XRCC4: variants seen among roughly 807,000 people sequenced by gnomAD.
XRCC4 encodes X-ray repair cross complementing 4.
XRCC4 carries 28 observed loss-of-function variants against 39.1 expected under a neutral mutation model. The observed-to-expected ratio is 0.72, with a 90% CI of 0.53 to 0.98. XRCC4 has a LOEUF of 0.98. Ranked by LOEUF, XRCC4 falls within the 50% of genes least tolerant of loss-of-function variation. XRCC4 has a pLI of 0.00. For synonymous variants in XRCC4, 123 were observed against 126.4 expected (o/e 0.97, Z 0.18); for missense variants, 350 against 376.4 (o/e 0.93, Z 0.58).
intron 3 of XRCC4, among the ~76,000 whole-genome samples, chr5:83,118,657 T>G (rs74552162): frequency 1.3e-5 from 2 of 152,216 alleles, no homozygotes; most frequent in African/African-American, 4.8e-5. Context: ...TTGGCCAGAA[T>G]GTAGTCACAT....
At chr5:83,218,995 C>T (rs1463013489) in intron 6 of XRCC4, among the ~76,000 whole-genome samples, 1 of 152,034 alleles carries the variant, frequency 6.6e-6, no homozygotes, top group East Asian at 1.9e-4. Flanking sequence ...ATTCTGGAGG[C>T]TAGGATCCTG....
Position 83,105,069 on chromosome 5 carries a change from AAAC to A in XRCC4, c.139+14_139+16del, listed in dbSNP as rs1365884694. The stretch of plus-strand genomic sequence containing the variant: ...CATGGACTGGGACAGGTAATACTAA[AAAC>A]AAAGTTTTTATAAGTAAAATTTAAG... On this transcript the variant is annotated intron_variant, in intron 2 of 7. Transcript: ENST00000396027. 1 of 1,593,840 alleles carries A rather than the reference AAAC, an allele frequency of 6.3e-7. No individual in the cohort carries two copies. Among genetic ancestry groups the A allele is most frequent in the South Asian group, 1.1e-5 (1 of 87,200 alleles).
chr5:83,124,814 C>T (rs1374465541), intron 3 of XRCC4, among the ~76,000 whole-genome samples: 1 of 152,124 alleles, frequency 6.6e-6, no homozygotes, highest in Non-Finnish European at 1.5e-5. Context: ...ACCTTTCGCC[C>T]TTTTAGAAAC....
the XRCC4 span, among the ~76,000 whole-genome samples, chr5:83,372,295 T>C: frequency 6.6e-6 from 1 of 152,188 alleles, no homozygotes; most frequent in Non-Finnish European, 1.5e-5. Flanking sequence ...ATGACAAATG[T>C]TTGCACTGTG....
intron 3 of XRCC4, among the ~76,000 whole-genome samples, chr5:83,121,374 C>T (rs901482688): frequency 6.6e-5 from 10 of 152,228 alleles, no homozygotes; most frequent in African/African-American, 1.9e-4. Flanking sequence ...CCATAGAGTT[C>T]GTACTATTTT....
intron 7 of XRCC4, among the ~76,000 whole-genome samples, chr5:83,324,145 A>G (rs925333748): frequency 3.3e-5 from 5 of 152,158 alleles, no homozygotes; most frequent in Non-Finnish European, 7.4e-5. Flanking sequence ...AGAAAATCTC[A>G]GATTAAATTA....
intron 7 of XRCC4, among the ~76,000 whole-genome samples, chr5:83,305,772 ACT>A (rs1286616011): frequency 6.6e-6 from 1 of 152,152 alleles, no homozygotes; most frequent in Non-Finnish European, 1.5e-5. Context: ...TTGATGTTTT[ACT>A]CTCTGACTGT....
chr5:83,276,508 G>A (rs1235653560), intron 7 of XRCC4, among the ~76,000 whole-genome samples: 2 of 140,242 alleles, frequency 1.4e-5, no homozygotes, highest in Admixed American at 8.3e-5. Flanking sequence ...TTTATATGAA[G>A]AAGAAGTGGA....
At chr5:83,083,593 G>A (rs972961420) in intron 1 of XRCC4, among the ~76,000 whole-genome samples, 1 of 151,948 alleles carries the variant, frequency 6.6e-6, no homozygotes, top group African/African-American at 2.4e-5. Flanking sequence ...GGCCAGACTG[G>A]TCTCGAACTC....
intron 3 of XRCC4, among the ~76,000 whole-genome samples, chr5:83,147,405 A>G (rs968904619): frequency 1.3e-5 from 2 of 152,344 alleles, no homozygotes; most frequent in African/African-American, 4.8e-5. Flanking sequence ...ACTTGTGGTA[A>G]CATGGATAAA....
intron 7 of XRCC4, among the ~76,000 whole-genome samples, chr5:83,290,223 A>G (rs1390644807): frequency 6.6e-6 from 1 of 151,800 alleles, no homozygotes; most frequent in African/African-American, 2.4e-5. Flanking sequence ...TTTTCTTGTT[A>G]GGGTAGGAGA....
chr5:83,202,675 A>G (rs1751258327), intron 4 of XRCC4, among the ~76,000 whole-genome samples: 1 of 152,120 alleles, frequency 6.6e-6, no homozygotes, highest in South Asian at 2.1e-4. Context: ...TAAAACAACA[A>G]CAATGTAAAT....
chr5:83,197,417 CA>C (rs1750996424), intron 4 of XRCC4, among the ~76,000 whole-genome samples: 1 of 152,132 alleles, frequency 6.6e-6, no homozygotes, highest in South Asian at 2.1e-4. Flanking sequence ...AAATTTGATC[CA>C]CAAATTGCCT....
chr5:83,186,571 C>A (rs1257386450), intron 3 of XRCC4, among the ~76,000 whole-genome samples: 2 of 152,120 alleles, frequency 1.3e-5, no homozygotes, highest in African/African-American at 4.8e-5. Flanking sequence ...GATCTTTAAG[C>A]TAATCACATC....
chr5:83,248,459 T>G (rs1381510779), intron 6 of XRCC4, among the ~76,000 whole-genome samples: 1 of 152,138 alleles, frequency 6.6e-6, no homozygotes, highest in Non-Finnish European at 1.5e-5. Flanking sequence ...ATCTAAGAAC[T>G]GTTTATGTGG....
chr5:83,106,657 C>T (rs952239912), intron 2 of XRCC4, among the ~76,000 whole-genome samples: 2 of 151,836 alleles, frequency 1.3e-5, no homozygotes, highest in Non-Finnish European at 2.9e-5. Flanking sequence ...TGGAACATTT[C>T]GTTTATATCA....
At chr5:83,290,329 T>C (rs1191506726) in intron 7 of XRCC4, among the ~76,000 whole-genome samples, 2 of 151,680 alleles carry the variant, frequency 1.3e-5, no homozygotes, top group South Asian at 2.1e-4. Flanking sequence ...TTTTGACTTA[T>C]ATATACATTG....
At chr5:83,242,233 C>T (rs1364421218) in intron 6 of XRCC4, among the ~76,000 whole-genome samples, 1 of 147,786 alleles carries the variant, frequency 6.8e-6, no homozygotes, top group Non-Finnish European at 1.5e-5. Context: ...AACTACTTAC[C>T]CTTGTTTGTT....
intron 4 of XRCC4, among the ~76,000 whole-genome samples, chr5:83,196,698 AATG>A (rs1422584272): frequency 6.6e-6 from 1 of 151,454 alleles, no homozygotes; most frequent in African/African-American, 2.4e-5. Flanking sequence ...TGAGAAAGAA[AATG>A]ATGTCTGAAA....
Sources: gnomAD v4.1 joint callset for allele counts (sites outside exome capture counted in the v4.1 genomes callset) on GRCh38, gnomAD v4.1.1 for gene constraint, MANE v1.5 for transcripts, NCBI Gene and HGNC (gene_info 2026-07-23, HGNC 2026-07-21) for gene names.